Variants in SLIT3 observed in about 807,000 individuals in gnomAD.
SLIT3 encodes the protein slit guidance ligand 3.
SLIT3 carries 68 observed loss-of-function variants against 184.0 expected under a neutral mutation model. That is an observed-to-expected ratio of 0.37 (90% CI 0.30 to 0.45). The LOEUF (loss-of-function observed/expected upper bound fraction) is 0.45, where lower values mean the gene tolerates loss of function less well. Ranked by LOEUF, SLIT3 falls within the 20% of genes least tolerant of loss-of-function variation. The pLI, the probability that SLIT3 is intolerant of heterozygous loss-of-function variation, is 1.00. For synonymous variants in SLIT3, 831 were observed against 828.6 expected, an observed-to-expected ratio of 1.00 and a Z score of -0.05; for missense variants, 1,707 against 2,026.0, an observed-to-expected ratio of 0.84 and a Z score of 3.02.
intron 4 of SLIT3, among the ~76,000 whole-genome samples, chr5:169,053,731 A>G (rs1757890044): frequency 6.7e-6 from 1 of 150,316 alleles, no homozygotes; most frequent in Non-Finnish European, 1.5e-5. Context: ...TTACAGGTGA[A>G]TTATGTCCCC....
intron 4 of SLIT3, among the ~76,000 whole-genome samples, chr5:168,944,685 C>A (rs1277850161): frequency 6.6e-6 from 1 of 152,090 alleles, no homozygotes; most frequent in Non-Finnish European, 1.5e-5. Flanking sequence ...AAACTGTCCC[C>A]TAAAAACAGA....
intron 27 of SLIT3, among the ~76,000 whole-genome samples, chr5:168,696,824 A>C (rs1374571882): frequency 6.6e-6 from 1 of 152,170 alleles, no homozygotes; most frequent in Non-Finnish European, 1.5e-5. Context: ...TCTCTTTTGC[A>C]AATAAAGAGA....
chr5:169,184,820 G>A (rs543111071), intron 4 of SLIT3, among the ~76,000 whole-genome samples: 5 of 152,302 alleles, frequency 3.3e-5, no homozygotes, highest in South Asian at 2.1e-4. Flanking sequence ...TTCTTAGGTC[G>A]TGTTCCAGAC....
At chr5:169,203,257 G>T (rs1763959626) in intron 3 of SLIT3, among the ~76,000 whole-genome samples, 1 of 151,920 alleles carries the variant, frequency 6.6e-6, no homozygotes, top group African/African-American at 2.4e-5. Flanking sequence ...CCAGAAGATT[G>T]TACAAGGGTA....
intron 4 of SLIT3, among the ~76,000 whole-genome samples, chr5:168,891,144 C>T (rs1205152493): frequency 6.6e-6 from 1 of 152,158 alleles, no homozygotes; most frequent in Non-Finnish European, 1.5e-5. Flanking sequence ...ACAAATATAG[C>T]ATCCTACTAC....
intron 14 of SLIT3, among the ~76,000 whole-genome samples, chr5:168,767,140 C>CTAT (rs1755372880): frequency 6.6e-6 from 1 of 152,144 alleles, no homozygotes; most frequent in African/African-American, 2.4e-5. Flanking sequence ...ACTGCCTGGC[C>CTAT]TATAGCAAGC....
intron 4 of SLIT3, among the ~76,000 whole-genome samples, chr5:169,010,907 T>G (rs1224098842): frequency 7.2e-6 from 1 of 139,214 alleles, no homozygotes; most frequent in Non-Finnish European, 1.5e-5. Context: ...AGACTCTGTT[T>G]CCAAAAAAAA....
intron 4 of SLIT3, among the ~76,000 whole-genome samples, chr5:169,167,343 T>A (rs1165244440): frequency 1.3e-5 from 2 of 148,694 alleles, no homozygotes; most frequent in African/African-American, 5.0e-5. Context: ...GGTGCGATCT[T>A]GGCTCACTGC....
At chr5:168,811,744 G>A (rs1237846936) in intron 8 of SLIT3, among the ~76,000 whole-genome samples, 1 of 152,226 alleles carries the variant, frequency 6.6e-6, no homozygotes, top group Admixed American at 6.5e-5. Context: ...GGAGAAAGGG[G>A]AACTCTTATA....
At chr5:168,704,443 A>G (rs558174469) in intron 26 of SLIT3, among the ~76,000 whole-genome samples, 32 of 152,304 alleles carry the variant, frequency 2.1e-4, no homozygotes, top group Admixed American at 1.9e-3. Context: ...AGTGAGGCTT[A>G]GGGAGAATCT....
intron 4 of SLIT3, among the ~76,000 whole-genome samples, chr5:168,894,273 T>C (rs2113813900): frequency 6.6e-6 from 1 of 152,372 alleles, no homozygotes; most frequent in African/African-American, 2.4e-5. Flanking sequence ...TAGTGTTTTA[T>C]GATGGCTCTC....
chr5:168,826,285 G>C (rs948938852), intron 6 of SLIT3, among the ~76,000 whole-genome samples: 3 of 152,196 alleles, frequency 2.0e-5, no homozygotes, highest in Non-Finnish European at 2.9e-5. Flanking sequence ...ATGATTTGCT[G>C]CTTGGGGCTG....
intron 4 of SLIT3, among the ~76,000 whole-genome samples, chr5:169,094,836 T>C (rs1473602493): frequency 6.6e-6 from 1 of 152,230 alleles, no homozygotes; most frequent in Non-Finnish European, 1.5e-5. Flanking sequence ...TTATTTACTG[T>C]CCACAGTTGC....
At chr5:169,032,922 A>ATTTTTTTTTTTTTTT (rs199911562) in intron 4 of SLIT3, among the ~76,000 whole-genome samples, 1 of 88,130 alleles carries the variant, frequency 1.1e-5, no homozygotes, top group Non-Finnish European at 2.4e-5. Flanking sequence ...TTTTTCCTTG[A>ATTTTTTTTTTTTTTT]TTTTTTTTTT....
Position 169,055,986 on chromosome 5 carries a change from A to G in SLIT3, c.413+137493T>C, listed in dbSNP as rs115754527. Among the ~76,000 whole-genome samples the G allele has an allele frequency of 5.2e-3, 798 of 152,328 alleles. 11 individuals are homozygous for G. Among genetic ancestry groups the G allele is most frequent in the African/African-American group, 0.019 (777 of 41,568 alleles). On this transcript the variant is annotated intron_variant, in intron 4 of 35. Transcript: ENST00000519560. ...AAGACAGGCTTGAGCAAGAGGCATAACATGATCTGACTTTGGTTCTCAAAA... is the reference window on the plus strand; with the variant it reads ...AAGACAGGCTTGAGCAAGAGGCATAGCATGATCTGACTTTGGTTCTCAAAA...
At chr5:168,908,730 A>T (rs1761161380) in intron 4 of SLIT3, among the ~76,000 whole-genome samples, 1 of 152,208 alleles carries the variant, frequency 6.6e-6, no homozygotes, top group Non-Finnish European at 1.5e-5. Context: ...GAACTCCTTT[A>T]TCCTGAAATC....
intron 4 of SLIT3, among the ~76,000 whole-genome samples, chr5:169,015,986 A>ACACACAC (rs1561608918): frequency 1.4e-5 from 1 of 73,752 alleles, no homozygotes; most frequent in African/African-American, 4.7e-5. Flanking sequence ...ACACACACAC[A>ACACACAC]ACTTTCTGTC....
At chr5:169,198,715 C>T (rs551923824) in intron 3 of SLIT3, among the ~76,000 whole-genome samples, 14 of 152,082 alleles carry the variant, frequency 9.2e-5, no homozygotes, top group South Asian at 8.3e-4. Context: ...GGGCAGATCA[C>T]GAGGTCAGGA....
chr5:169,130,239 T>C (rs886883419), intron 4 of SLIT3, among the ~76,000 whole-genome samples: 1 of 152,204 alleles, frequency 6.6e-6, no homozygotes, highest in East Asian at 1.9e-4. Context: ...CTCTGTACTA[T>C]CTCTAAAACT....
Sources: gnomAD v4.1 joint callset for allele counts (sites outside exome capture counted in the v4.1 genomes callset) on GRCh38, gnomAD v4.1.1 for gene constraint, MANE v1.5 for transcripts, NCBI Gene and HGNC (gene_info 2026-07-23, HGNC 2026-07-21) for gene names.